ADAMTSL3: variants seen among roughly 807,000 people sequenced by gnomAD.
ADAMTSL3 encodes the protein ADAMTS-like protein 3.
A neutral mutation model predicts 201.7 loss-of-function variants in ADAMTSL3; 128 were observed. The ratio of observed to expected loss-of-function variants is 0.63; its 90% CI spans 0.55 to 0.73. ADAMTSL3 has a LOEUF of 0.73. ADAMTSL3 is among the 30% of genes least tolerant of loss of function. The pLI, the probability that ADAMTSL3 is intolerant of heterozygous loss-of-function variation, is 0.00. For missense variants in ADAMTSL3, 1,990 were observed against 2,119.6 expected (o/e 0.94, Z 1.20); for synonymous variants, 738 against 748.4 (o/e 0.99, Z 0.23).
intron 15 of ADAMTSL3, among the ~76,000 whole-genome samples, chr15:83,907,184 G>A (rs984674167): frequency 1.3e-5 from 2 of 151,472 alleles, no homozygotes; most frequent in African/African-American, 2.4e-5. Context: ...GATAGTTCTG[G>A]TCTCCATTTT....
At chr15:83,866,722 C>T (rs1229763750) in intron 8 of ADAMTSL3, among the ~76,000 whole-genome samples, 1 of 151,980 alleles carries the variant, frequency 6.6e-6, no homozygotes, top group Non-Finnish European at 1.5e-5. Context: ...AACTAACCTG[C>T]ACATTGTGTA....
At chr15:83,762,596 A>G (rs1354504151) in intron 3 of ADAMTSL3, among the ~76,000 whole-genome samples, 2 of 152,088 alleles carry the variant, frequency 1.3e-5, no homozygotes, top group African/African-American at 4.8e-5. Context: ...GGAGGGCAGA[A>G]GAGAGGGAAC....
In ADAMTSL3 at chr15:83,858,758, T is replaced by A. The variant is rs755672773; in HGVS notation, c.728-8T>A. ...GTTTTATTGCAGTTGCGTTCTGTTC[T>A]TTCCCAGGAGAAGAAAATGTAATTG... On this transcript the variant is annotated splice_polypyrimidine_tract_variant and splice_region_variant and intron_variant, in intron 7 of 29. Transcript: ENST00000286744. 2 of 1,611,610 alleles carry A rather than the reference T, an allele frequency of 1.2e-6. No homozygotes were observed. The highest frequency in any genetic ancestry group is 4.5e-5 in the East Asian group (2 of 44,860).
chr15:83,726,834 G>A (rs2062183414), intron 3 of ADAMTSL3, among the ~76,000 whole-genome samples: 1 of 151,714 alleles, frequency 6.6e-6, no homozygotes, highest in Non-Finnish European at 1.5e-5. Context: ...GTTAATCAGG[G>A]GTATTGGCCT....
intron 3 of ADAMTSL3, among the ~76,000 whole-genome samples, chr15:83,733,642 G>C (rs887979160): frequency 1.3e-5 from 2 of 151,996 alleles, no homozygotes; most frequent in African/African-American, 4.8e-5. Flanking sequence ...TCAAATGATC[G>C]CACCGTACTT....
intron 6 of ADAMTSL3, among the ~76,000 whole-genome samples, chr15:83,821,845 G>A (rs1356403787): frequency 2.7e-5 from 4 of 148,430 alleles, no homozygotes; most frequent in Admixed American, 1.3e-4. Context: ...CTCACCTCCC[G>A]GACGGGGCGG....
chr15:83,807,205 C>T (rs2063614181), intron 5 of ADAMTSL3, among the ~76,000 whole-genome samples: 1 of 152,174 alleles, frequency 6.6e-6, no homozygotes, highest in South Asian at 2.1e-4. Flanking sequence ...CCTGTAATCC[C>T]AGCACTTTGG....
chr15:83,941,525 A>T (rs1462437959), intron 17 of ADAMTSL3, among the ~76,000 whole-genome samples: 1 of 152,192 alleles, frequency 6.6e-6, no homozygotes, highest in Non-Finnish European at 1.5e-5. Flanking sequence ...AAATAGGATT[A>T]TACTCTACAA....
chr15:83,697,889 G>A (rs931123602), intron 2 of ADAMTSL3, among the ~76,000 whole-genome samples: 1 of 152,042 alleles, frequency 6.6e-6, no homozygotes, highest in Admixed American at 6.5e-5. Flanking sequence ...CACTTGATTG[G>A]TTCCCCTGGC....
intron 9 of ADAMTSL3, among the ~76,000 whole-genome samples, chr15:83,878,673 T>G (rs2065220837): frequency 6.6e-6 from 1 of 152,236 alleles, no homozygotes; most frequent in Non-Finnish European, 1.5e-5. Context: ...TTAAAAGGTG[T>G]ATCCTTTTAT....
Position 83,858,757 on chromosome 15 carries a change from C to A in ADAMTSL3, c.728-9C>A, listed in dbSNP as rs149499512. 1 of 1,610,912 alleles carries A rather than the reference C, an allele frequency of 6.2e-7. No individual in the cohort carries two copies. Among genetic ancestry groups the A allele is most frequent in the South Asian group, 1.1e-5 (1 of 90,148 alleles). The stretch of plus-strand genomic sequence containing the variant: ...GGTTTTATTGCAGTTGCGTTCTGTT[C>A]TTTCCCAGGAGAAGAAAATGTAATT... On this transcript the variant is annotated splice_polypyrimidine_tract_variant and intron_variant, in intron 7 of 29. Transcript: ENST00000286744.
In ADAMTSL3 at chr15:83,654,836, C is replaced by T. The variant is rs1054522822; in HGVS notation, c.-34+560C>T. On this transcript the variant is annotated intron_variant, in intron 1 of 29. Coordinates refer to ENST00000286744, the MANE Select transcript of ADAMTSL3 (RefSeq NM_207517.3). The surrounding 1 kb of genome is among the most constrained non-coding windows in gnomAD (Gnocchi z 5.3). ...CCAGGGCCCCGCACTGGCCGCCTCC[C>T]TTCAGCCAGGAGTCGCCGCCTCAGG... 6.6e-6 allele frequency among the ~76,000 whole-genome samples: 1 copy of T among 152,164 alleles called. No homozygotes were observed. The highest frequency in any genetic ancestry group is 2.4e-5 in the African/African-American group (1 of 41,438).
intron 5 of ADAMTSL3, among the ~76,000 whole-genome samples, chr15:83,814,539 A>C (rs1462830176): frequency 6.6e-6 from 1 of 152,162 alleles, no homozygotes; most frequent in Non-Finnish European, 1.5e-5. Flanking sequence ...TCCTGTTTAC[A>C]TCACACCATC....
At chr15:83,722,780 A>G (rs2062118870) in intron 3 of ADAMTSL3, among the ~76,000 whole-genome samples, 1 of 152,144 alleles carries the variant, frequency 6.6e-6, no homozygotes, top group South Asian at 2.1e-4. Flanking sequence ...AACATTTAAT[A>G]TATTCAGTAA....
chr15:83,844,382 C>G (rs922472580), intron 7 of ADAMTSL3, among the ~76,000 whole-genome samples: 1 of 152,134 alleles, frequency 6.6e-6, no homozygotes, highest in Non-Finnish European at 1.5e-5. Flanking sequence ...GACTGTCACT[C>G]CCAAAAACCA....
rs74024600 is a variant in ADAMTSL3, at chr15:83,897,641, G to A, written c.1468-217G>A. Among the ~76,000 whole-genome samples the A allele has an allele frequency of 0.029, 4,429 of 152,136 alleles. 204 individuals are homozygous for A. The highest frequency in any genetic ancestry group is 0.1 in the African/African-American group (4,185 of 41,474). ...TATGATCTCACCTTAAATACTTTTT[G>A]AATTGAGAAGTGGAACAAGGTTGTA... On this transcript the variant is annotated intron_variant, in intron 13 of 29. Coordinates refer to ENST00000286744, the MANE Select transcript of ADAMTSL3 (RefSeq NM_207517.3).
chr15:83,687,115 A>G (rs1403465607), intron 2 of ADAMTSL3, among the ~76,000 whole-genome samples: 1 of 152,088 alleles, frequency 6.6e-6, no homozygotes, highest in Non-Finnish European at 1.5e-5. Context: ...GAGGTGGGGG[A>G]GTCCCTTGAG....
At chr15:83,664,098 T>C (rs1411439423) in intron 2 of ADAMTSL3, among the ~76,000 whole-genome samples, 4 of 152,208 alleles carry the variant, frequency 2.6e-5, no homozygotes, top group African/African-American at 9.6e-5. Context: ...CTCATGACGA[T>C]GTCGTCTCTC....
chr15:83,697,199 C>T (rs2061698218), intron 2 of ADAMTSL3, among the ~76,000 whole-genome samples: 1 of 152,162 alleles, frequency 6.6e-6, no homozygotes, highest in Non-Finnish European at 1.5e-5. Context: ...TTCTCCCCTG[C>T]TTCTCTCTCT....
Sources: allele counts gnomAD v4.1 joint callset (sites outside exome capture counted in the v4.1 genomes callset), GRCh38; gene constraint gnomAD v4.1.1; non-coding constraint Gnocchi (gnomAD v3.1); transcripts MANE v1.5; gene names NCBI Gene and HGNC (gene_info 2026-07-23, HGNC 2026-07-21).